ARFGEF2: variants seen among roughly 807,000 people sequenced by gnomAD.
ARFGEF2 encodes the protein brefeldin A-inhibited guanine nucleotide-exchange protein 2.
ARFGEF2 carries 74 observed loss-of-function variants against 219.9 expected under a neutral mutation model. The ratio of observed to expected loss-of-function variants is 0.34; its 90% CI spans 0.28 to 0.41. The LOEUF (loss-of-function observed/expected upper bound fraction) is 0.41. Among genes scored for constraint, ARFGEF2 ranks in the 10% least tolerant of loss-of-function variants. The probability of loss-of-function intolerance (pLI) is 1.00; values close to 1 mark genes in which losing one functional copy is unlikely to be tolerated. For missense variants in ARFGEF2, 1,743 were observed against 2,218.3 expected (o/e 0.79, Z 4.30); for synonymous variants, 733 against 799.2 (o/e 0.92, Z 1.40).
chr20:48,942,027 C>T, intron 3 of ARFGEF2, 40 bp downstream of exon 3: 1 of 1,612,722 alleles, frequency 6.2e-7, no homozygotes, highest in East Asian at 2.2e-5. Flanking sequence ...GGGGTTCTCT[C>T]CAAGCCACAG....
At chr20:49,003,195 T>C (rs1419208644) in intron 25 of ARFGEF2, among the ~76,000 whole-genome samples, 1 of 140,906 alleles carries the variant, frequency 7.1e-6, no homozygotes, top group East Asian at 2.3e-4. Context: ...CTTGAACTCC[T>C]GGCCTCAGGT....
intron 1 of ARFGEF2, among the ~76,000 whole-genome samples, chr20:48,927,046 A>G (rs1357889038): frequency 6.6e-6 from 1 of 152,184 alleles, no homozygotes; most frequent in African/African-American, 2.4e-5. Context: ...GAGGTGAGGA[A>G]ACAGATGGTG....
rs776742777 is a variant in ARFGEF2, at chr20:48,951,274, C to T, written c.277-49C>T. On this transcript the variant is annotated intron_variant, in intron 3 of 38. Transcript: ENST00000371917. ...TCTTGTGGGCTGCCACGGAAGGCCT[C>T]AGTCCTAGCCAAGCAGAAATGTATA... 8 of 1,608,768 alleles carry T rather than the reference C, an allele frequency of 5.0e-6. No individual in the cohort carries two copies. In the Admixed American group the frequency reaches 5.1e-5, roughly 10 times the overall value.
intron 18 of ARFGEF2, 39 bp from the exon 19 acceptor site, chr20:48,989,246 G>T: frequency 6.2e-7 from 1 of 1,612,784 alleles, no homozygotes; most frequent in Non-Finnish European, 8.5e-7. Context: ...CCAGCCCTCA[G>T]TGACTGCTAG....
chr20:48,961,202 G>T (rs2091148404), intron 6 of ARFGEF2, among the ~76,000 whole-genome samples: 1 of 150,444 alleles, frequency 6.6e-6, no homozygotes, highest in African/African-American at 2.4e-5. Context: ...TCTTGTAATA[G>T]CACCTAGTTT....
chr20:49,014,754 T>C (rs2091520283), intron 30 of ARFGEF2, among the ~76,000 whole-genome samples: 1 of 152,206 alleles, frequency 6.6e-6, no homozygotes, highest in Admixed American at 6.5e-5. Context: ...AGTGAGACCA[T>C]ATCTCTTAAA....
intron 1 of ARFGEF2, among the ~76,000 whole-genome samples, chr20:48,928,956 A>G (rs2090896616): frequency 6.6e-6 from 1 of 152,190 alleles, no homozygotes; most frequent in East Asian, 1.9e-4. Context: ...CTCAGGGGAG[A>G]GTCTGAAAGC....
At chr20:49,032,192 T>C (rs1218324301) in intron 38 of ARFGEF2, 26 bp downstream of exon 38, 1 of 1,528,630 alleles carries the variant, frequency 6.5e-7, no homozygotes, top group Non-Finnish European at 9.1e-7. Context: ...CTCTGACCAA[T>C]TTTCACTAGG....
At chr20:48,944,674 C>G (rs2091015364) in intron 3 of ARFGEF2, among the ~76,000 whole-genome samples, 1 of 152,082 alleles carries the variant, frequency 6.6e-6, no homozygotes, top group Non-Finnish European at 1.5e-5. Flanking sequence ...CCAAGTTGCC[C>G]AGGCTGGTCT....
intron 21 of ARFGEF2, among the ~76,000 whole-genome samples, chr20:48,993,124 G>A (rs1356325524): frequency 1.3e-5 from 2 of 152,322 alleles, no homozygotes; most frequent in Middle Eastern, 3.4e-3. Flanking sequence ...GCCATAATAC[G>A]TAGAGAATCA....
intron 34 of ARFGEF2, among the ~76,000 whole-genome samples, chr20:49,020,446 T>A (rs2091558843): frequency 6.6e-6 from 1 of 152,152 alleles, no homozygotes; most frequent in African/African-American, 2.4e-5. Context: ...GATACCTTTT[T>A]CATTTTCTCT....
At chr20:49,011,840 T>G in intron 27 of ARFGEF2, 84 bp from the exon 28 acceptor site, 1 of 1,331,834 alleles carries the variant, frequency 7.5e-7, no homozygotes, top group East Asian at 2.3e-5. Flanking sequence ...TATGTGTGTG[T>G]GTGTGTGTGT....
intron 3 of ARFGEF2, among the ~76,000 whole-genome samples, chr20:48,949,910 T>G (rs752808285): frequency 5.9e-4 from 90 of 151,994 alleles, no homozygotes; most frequent in Non-Finnish European, 9.7e-4. Flanking sequence ...GCCAGATGAG[T>G]GATTCTTTTA....
chr20:49,007,290 C>CTT lies in ARFGEF2; in HGVS notation c.3584+2084_3584+2085dup, dbSNP rs11483342. ...AAGTGTACTTCAGATCAGCCTGGAT[C>CTT]TTTTTTTTTTTTTTTTGAGACGGAG... is the stretch of plus-strand genomic sequence containing the variant. On this transcript the variant is annotated intron_variant, in intron 26 of 38. Coordinates refer to ENST00000371917, the MANE Select transcript of ARFGEF2 (RefSeq NM_006420.3). Among the ~76,000 whole-genome samples the CTT allele has an allele frequency of 9.1e-3, 1,251 of 137,604 alleles. 18 individuals are homozygous for CTT. The highest frequency in any genetic ancestry group is 0.011 in the Middle Eastern group (3 of 270). 90.3% of individuals were successfully genotyped at this position (137,604 alleles called of 152,430 possible).
chr20:48,974,382 G>C (rs766624135), intron 12 of ARFGEF2, among the ~76,000 whole-genome samples: 15 of 151,884 alleles, frequency 9.9e-5, no homozygotes, highest in Non-Finnish European at 2.1e-4. Context: ...AGAGTGCTGG[G>C]ATTACAGGCG....
intron 1 of ARFGEF2, among the ~76,000 whole-genome samples, chr20:48,938,874 CTT>C (rs1491528831): frequency 1.3e-5 from 2 of 152,014 alleles, no homozygotes; most frequent in Non-Finnish European, 2.9e-5. Context: ...ATTCTTTGAT[CTT>C]ACACCCACCG....
intron 25 of ARFGEF2, among the ~76,000 whole-genome samples, chr20:49,004,113 G>T (rs569017750): frequency 2.3e-4 from 35 of 152,070 alleles, no homozygotes; most frequent in Non-Finnish European, 3.5e-4. Context: ...TCCTGTAATC[G>T]CAGCATTTTG....
At chr20:49,000,661 A>G (rs985304305) in intron 25 of ARFGEF2, among the ~76,000 whole-genome samples, 45 of 152,338 alleles carry the variant, frequency 3.0e-4, no homozygotes, top group Admixed American at 5.2e-4. Flanking sequence ...TTGTCCAAAC[A>G]TGTGACAGCT....
chr20:48,950,803 AAAAAAAAAATATATATAT>A (rs1258954044), intron 3 of ARFGEF2, among the ~76,000 whole-genome samples: 9 of 39,672 alleles, frequency 2.3e-4, no homozygotes, highest in Admixed American at 4.3e-4. Flanking sequence ...CTAAAAAAAA[AAAAAAAAAATATATATAT>A]ATATATATAT....
Sources: allele counts gnomAD v4.1 joint callset (sites outside exome capture counted in the v4.1 genomes callset), GRCh38; gene constraint gnomAD v4.1.1; transcripts MANE v1.5; gene names NCBI Gene and HGNC (gene_info 2026-07-23, HGNC 2026-07-21).